Variants in BRD10 observed in about 807,000 individuals in gnomAD.
BRD10 encodes bromodomain containing 10.
the BRD10 span, among the ~76,000 whole-genome samples, chr9:5,970,233 TG>T: frequency 6.6e-6 from 1 of 152,128 alleles, no homozygotes; most frequent in Non-Finnish European, 1.5e-5. Context: ...GTTTTAAAAT[TG>T]GGAAATAAAC....
the BRD10 span, among the ~76,000 whole-genome samples, chr9:5,917,678 C>T: frequency 1.3e-5 from 2 of 152,138 alleles, no homozygotes; most frequent in African/African-American, 4.8e-5. Flanking sequence ...ATGGTGAAAC[C>T]CCATCTCTAC....
chr9:5,961,166 G>C, the BRD10 span, among the ~76,000 whole-genome samples: 1 of 152,132 alleles, frequency 6.6e-6, no homozygotes, highest in Non-Finnish European at 1.5e-5. Flanking sequence ...CTGTCCCTAA[G>C]AATGTTATAG....
the BRD10 span, among the ~76,000 whole-genome samples, chr9:5,993,301 T>A: frequency 4.3e-5 from 5 of 116,414 alleles, no homozygotes; most frequent in East Asian, 2.3e-4. Flanking sequence ...GGTGACAGAG[T>A]GAGACTCCAT....
chr9:5,982,971 G>T, the BRD10 span, among the ~76,000 whole-genome samples: 2 of 152,028 alleles, frequency 1.3e-5, no homozygotes, highest in African/African-American at 2.4e-5. Flanking sequence ...TATTTTTATT[G>T]TTTTTTTCCC....
At chr9:5,917,503 A>G in the BRD10 span, among the ~76,000 whole-genome samples, 1 of 152,232 alleles carries the variant, frequency 6.6e-6, no homozygotes, top group Non-Finnish European at 1.5e-5. Flanking sequence ...ACACAGAGCT[A>G]TGAAGGTCAT....
chr9:5,992,604 T>C, the BRD10 span, among the ~76,000 whole-genome samples: 8 of 152,278 alleles, frequency 5.3e-5, no homozygotes, highest in Non-Finnish European at 8.8e-5. Context: ...GGGAAATCAT[T>C]TCATGAAATC....
At chr9:5,942,894 T>C in the BRD10 span, among the ~76,000 whole-genome samples, 2 of 152,198 alleles carry the variant, frequency 1.3e-5, no homozygotes, top group African/African-American at 4.8e-5. Context: ...TTCTGTTTTT[T>C]TGAGTCAGGC....
chr9:6,008,371 G>T, the BRD10 span: 3 of 934,728 alleles, frequency 3.2e-6, no homozygotes, highest in Non-Finnish European at 3.8e-6. Flanking sequence ...TGAGGGGGGA[G>T]AAAGGGGAGG....
chr9:5,982,208 GA>G, the BRD10 span, among the ~76,000 whole-genome samples: 1 of 152,016 alleles, frequency 6.6e-6, no homozygotes, highest in African/African-American at 2.4e-5. Context: ...TGAAGTAATT[GA>G]ACCAAACTTA....
chr9:5,960,573 A>G, the BRD10 span, among the ~76,000 whole-genome samples: 5 of 152,062 alleles, frequency 3.3e-5, no homozygotes, highest in Non-Finnish European at 5.9e-5. Flanking sequence ...AAAAAAAAAA[A>G]AAAAGAAAAG....
the BRD10 span, chr9:5,921,719 C>A: frequency 2.5e-6 from 4 of 1,613,826 alleles, no homozygotes; most frequent in Non-Finnish European, 3.4e-6. Context: ...ATTGTTTTGT[C>A]CAAAATTTGC....
At chr9:5,934,161 T>G in the BRD10 span, among the ~76,000 whole-genome samples, 1 of 152,200 alleles carries the variant, frequency 6.6e-6, no homozygotes, top group East Asian at 1.9e-4. Context: ...GGAGATAACA[T>G]TTTTATTTAA....
the BRD10 span, among the ~76,000 whole-genome samples, chr9:5,897,064 G>C: frequency 0.011 from 1,742 of 152,250 alleles, 27 homozygotes; most frequent in African/African-American, 0.04. Flanking sequence ...TGAAAATAGG[G>C]GATGATAAAT....
chr9:5,926,592 C>T, the BRD10 span, among the ~76,000 whole-genome samples: 5,677 of 152,068 alleles, frequency 0.037, 292 homozygotes, highest in African/African-American at 0.11. Context: ...AGTGCAGTGG[C>T]GCGATCACAG....
At chr9:6,008,215 C>G in the BRD10 span, 24 of 977,196 alleles carry the variant, frequency 2.5e-5, no homozygotes, top group East Asian at 1.5e-3. Context: ...CTCCCCTCCC[C>G]GGAGGGGGCC....
the BRD10 span, among the ~76,000 whole-genome samples, chr9:5,908,242 T>C: frequency 5.3e-5 from 8 of 152,158 alleles, no homozygotes; most frequent in African/African-American, 1.7e-4. Context: ...GGATACAATA[T>C]CCTCTTGTTT....
the BRD10 span, among the ~76,000 whole-genome samples, chr9:6,002,544 T>C: frequency 3.9e-5 from 6 of 152,204 alleles, no homozygotes. Flanking sequence ...TAGGTTTTGA[T>C]CTTGACTGAG....
chr9:5,937,651 C>CA, the BRD10 span, among the ~76,000 whole-genome samples: 1 of 152,340 alleles, frequency 6.6e-6, no homozygotes, highest in South Asian at 2.1e-4. Context: ...ATGGAATATA[C>CA]AGCATTAACT....
the BRD10 span, among the ~76,000 whole-genome samples, chr9:5,998,880 T>C: frequency 6.6e-6 from 1 of 152,058 alleles, no homozygotes; most frequent in Admixed American, 6.6e-5. Context: ...CTTAAGAATA[T>C]AAATGGTTCT....
Sources: gnomAD v4.1 joint callset for allele counts (sites outside exome capture counted in the v4.1 genomes callset) on GRCh38, gnomAD v4.1.1 for gene constraint, MANE v1.5 for transcripts, NCBI Gene and HGNC (gene_info 2026-07-23, HGNC 2026-07-21) for gene names.